Variants in CMTM4 observed in about 807,000 individuals in gnomAD.
CMTM4 encodes CKLF like MARVEL transmembrane domain containing 4.
Under a neutral mutation model 19.0 loss-of-function variants are expected in CMTM4, and 8 were observed. That is an observed-to-expected ratio of 0.42 (90% CI 0.25 to 0.76). CMTM4 has a LOEUF of 0.76. CMTM4 is among the 30% of genes least tolerant of loss of function. CMTM4 has a pLI of 0.27. For synonymous variants in CMTM4, 106 were observed against 121.1 expected (o/e 0.88, Z 0.82); for missense variants, 228 against 290.2 (o/e 0.79, Z 1.56).
chr16:66,618,529 C>T lies in CMTM4; in HGVS notation c.*3529G>A, dbSNP rs111682953. ...CCTCTCAGAGCACATGGATAGGTGACGGGTTTCTCATGTGAATCTACAAGA... is the reference window on the plus strand; with the variant it reads ...CCTCTCAGAGCACATGGATAGGTGATGGGTTTCTCATGTGAATCTACAAGA... On this transcript the variant is annotated 3_prime_UTR_variant, in exon 4 of 4. Transcript: ENST00000394106. 22 of 985,480 alleles carry T rather than the reference C, an allele frequency of 2.2e-5. No homozygotes were observed. The African/African-American group carries it at 2.3e-4, about 10-fold the overall frequency. The allele number at this position is 985,480 out of a possible 1,614,324, so 61.0% of individuals were successfully genotyped here.
intron 1 of CMTM4, among the ~76,000 whole-genome samples, chr16:66,639,572 C>G (rs1405097337): frequency 1.3e-5 from 2 of 151,982 alleles, no homozygotes; most frequent in Admixed American, 6.6e-5. Context: ...CAAAGGTGTT[C>G]GAAAGTTTAG....
chr16:66,622,540 A>G lies in CMTM4; in HGVS notation c.463-318T>C, dbSNP rs1014019746. Among the ~76,000 whole-genome samples, 16 of 152,252 alleles carry G rather than the reference A, an allele frequency of 1.1e-4. No individual in the cohort carries two copies. The highest frequency in any genetic ancestry group is 2.0e-4 in the Admixed American group (3 of 15,284). ...TCTTGCCTGACCTAAAGACAGCCTA[A>G]GGTTTCTTTTGAAGTATTTTGGACG... On this transcript the variant is annotated intron_variant, in intron 3 of 3. Transcript: ENST00000394106. The surrounding 1 kb of genome is among the most constrained non-coding windows in gnomAD (Gnocchi z 4.0).
At chr16:66,610,545 C>G (rs997259231), downstream of CMTM4, among the ~76,000 whole-genome samples, 1 of 152,192 alleles carries the variant, frequency 6.6e-6, no homozygotes, top group African/African-American at 2.4e-5. This position sits in a 1 kb window ranked among gnomAD's most constrained non-coding sequence, Gnocchi z 4.6. Context: ...CGCTGGGTGT[C>G]AGCTGGCCCG....
chr16:66,604,695 G>C, the CMTM4 span: 1 of 859,004 alleles, frequency 1.2e-6, no homozygotes, highest in East Asian at 3.8e-5. Context: ...ATGCGCCCCT[G>C]CGCGAGCCAG....
chr16:66,612,729 TTC>T (rs1411450819), downstream of CMTM4: 16 of 1,304,866 alleles, frequency 1.2e-5, no homozygotes, highest in Admixed American at 1.9e-5. The surrounding 1 kb of genome is among the most constrained non-coding windows in gnomAD (Gnocchi z 6.0). Context: ...AGGCCTGGAC[TTC>T]TGAGTTGCAG....
chr16:66,612,692 T>C, downstream of CMTM4: 1 of 1,547,266 alleles, frequency 6.5e-7, no homozygotes, highest in East Asian at 2.2e-5. The surrounding 1 kb of genome is among the most constrained non-coding windows in gnomAD (Gnocchi z 6.0). Context: ...CCCCTGCGCC[T>C]CACAGGGGTC....
At chr16:66,667,778 A>G (rs1306388027) in intron 1 of CMTM4, among the ~76,000 whole-genome samples, 1 of 152,046 alleles carries the variant, frequency 6.6e-6, no homozygotes, top group African/African-American at 2.4e-5. Flanking sequence ...AATCCCAGCT[A>G]TTTAGGAGGC....
chr16:66,599,996 G>A, the CMTM4 span, among the ~76,000 whole-genome samples: 36 of 151,668 alleles, frequency 2.4e-4, no homozygotes, highest in African/African-American at 8.0e-4. Flanking sequence ...CTTTTTACAC[G>A]CTTATTGGAC....
chr16:66,633,574 TTGGGA>T (rs2015925440), intron 2 of CMTM4, among the ~76,000 whole-genome samples: 1 of 152,056 alleles, frequency 6.6e-6, no homozygotes, highest in Non-Finnish European at 1.5e-5. Context: ...CCTCAGCACT[TTGGGA>T]GGCTGAGGTG....
chr16:66,661,227 T>C (rs1330267709), intron 1 of CMTM4, among the ~76,000 whole-genome samples: 1 of 152,202 alleles, frequency 6.6e-6, no homozygotes, highest in Non-Finnish European at 1.5e-5. Flanking sequence ...TGTAAGGTAA[T>C]AAGCTTCAAA....
At chr16:66,665,898 G>A (rs1481416195) in intron 1 of CMTM4, among the ~76,000 whole-genome samples, 6 of 151,302 alleles carry the variant, frequency 4.0e-5, no homozygotes, top group Non-Finnish European at 8.8e-5. Flanking sequence ...GCAAAAACCC[G>A]TCTCTACTAA....
At chr16:66,689,608 T>C (rs540280075) in intron 1 of CMTM4, among the ~76,000 whole-genome samples, 10 of 152,258 alleles carry the variant, frequency 6.6e-5, no homozygotes, top group African/African-American at 2.4e-4. Context: ...GGATTCACCA[T>C]GTTGCCCAGG....
At chr16:66,626,364 G>A (rs1270470371) in intron 2 of CMTM4, among the ~76,000 whole-genome samples, 1 of 152,100 alleles carries the variant, frequency 6.6e-6, no homozygotes, top group Non-Finnish European at 1.5e-5. Context: ...AGCACTTTGG[G>A]AGGCCAAGGT....
chr16:66,612,602 C>A (rs1162825937), downstream of CMTM4: 12 of 1,613,918 alleles, frequency 7.4e-6, no homozygotes, highest in Non-Finnish European at 9.3e-6. The surrounding 1 kb of genome is among the most constrained non-coding windows in gnomAD (Gnocchi z 6.0). Flanking sequence ...CTCTGCTTTC[C>A]TTTCAGAAGA....
At chr16:66,601,802 C>T in the CMTM4 span, among the ~76,000 whole-genome samples, 3 of 152,172 alleles carry the variant, frequency 2.0e-5, no homozygotes, top group African/African-American at 7.2e-5. Flanking sequence ...CCTTCCTGGG[C>T]CCCTAAGAGT....
At chr16:66,639,739 TGGGCATGGTAGCA>T (rs2016065187) in intron 1 of CMTM4, among the ~76,000 whole-genome samples, 2 of 151,550 alleles carry the variant, frequency 1.3e-5, no homozygotes, top group African/African-American at 4.9e-5. Context: ...AAAAAGTAGC[TGGGCATGGTAGCA>T]CATGCCTGTA....
intron 1 of CMTM4, among the ~76,000 whole-genome samples, chr16:66,687,710 C>T (rs913857859): frequency 2.5e-5 from 3 of 120,988 alleles, no homozygotes; most frequent in African/African-American, 9.9e-5. Context: ...TTTTTTGAGA[C>T]GGAGTCTCGC....
intron 1 of CMTM4, among the ~76,000 whole-genome samples, chr16:66,646,156 C>T (rs1277657126): frequency 6.6e-6 from 1 of 152,050 alleles, no homozygotes; most frequent in Non-Finnish European, 1.5e-5. Flanking sequence ...TAAAGTGACC[C>T]CATTTTTGGT....
At chr16:66,631,175 G>GC (rs1158457103) in intron 2 of CMTM4, among the ~76,000 whole-genome samples, 1 of 144,310 alleles carries the variant, frequency 6.9e-6, no homozygotes, top group African/African-American at 2.6e-5. Flanking sequence ...GTGGGGGTCA[G>GC]CCCCCGCCCG....
Sources: allele counts gnomAD v4.1 joint callset (sites outside exome capture counted in the v4.1 genomes callset), GRCh38; gene constraint gnomAD v4.1.1; non-coding constraint Gnocchi (gnomAD v3.1); transcripts MANE v1.5; gene names NCBI Gene and HGNC (gene_info 2026-07-23, HGNC 2026-07-21).